Variants in TANGO6 observed in about 807,000 individuals in gnomAD.
The protein encoded by TANGO6 is transport and golgi organization 6 homolog, also known as transport and Golgi organization protein 6 homolog.
A neutral mutation model predicts 114.2 loss-of-function variants in TANGO6; 90 were observed. The observed-to-expected ratio is 0.79, with a 90% CI of 0.66 to 0.94. The LOEUF (loss-of-function observed/expected upper bound fraction) is 0.94, where lower values mean the gene tolerates loss of function less well. Ranked by LOEUF, TANGO6 falls within the 40% of genes least tolerant of loss-of-function variation. The pLI is 0.00. For synonymous variants in TANGO6, 477 were observed against 509.8 expected (o/e 0.94, Z 0.87); for missense variants, 1,274 against 1,315.3 (o/e 0.97, Z 0.49).
intron 17 of TANGO6, among the ~76,000 whole-genome samples, chr16:69,074,499 T>C (rs1467648286): frequency 6.6e-6 from 1 of 152,092 alleles, no homozygotes. Flanking sequence ...CTCGTATATA[T>C]GGGGCGATGT....
intron 17 of TANGO6, among the ~76,000 whole-genome samples, chr16:69,072,668 A>G (rs558205583): frequency 2.0e-5 from 3 of 152,304 alleles, no homozygotes; most frequent in Non-Finnish European, 4.4e-5. Flanking sequence ...TTGCTAAGAT[A>G]GACCCATTAA....
intron 17 of TANGO6, among the ~76,000 whole-genome samples, chr16:69,079,841 C>T (rs376573021): frequency 2.0e-5 from 3 of 152,224 alleles, no homozygotes; most frequent in East Asian, 1.9e-4. Context: ...AATTGTAATG[C>T]GCATTACCCT....
chr16:69,024,616 A>G (rs913246254), intron 16 of TANGO6, among the ~76,000 whole-genome samples: 7 of 152,046 alleles, frequency 4.6e-5, no homozygotes, highest in Admixed American at 4.6e-4. Flanking sequence ...GTACTCATCA[A>G]TATATCAGTG....
intron 17 of TANGO6, among the ~76,000 whole-genome samples, chr16:69,057,793 C>T (rs1249315108): frequency 1.3e-5 from 2 of 152,144 alleles, no homozygotes; most frequent in Non-Finnish European, 2.9e-5. Flanking sequence ...GGTTTCCTGA[C>T]CTCCCGGGAC....
In TANGO6 at chr16:69,026,441, C is replaced by G. The variant is rs372192316; in HGVS notation, c.2994+3462C>G. 13 of 182,436 alleles carry G rather than the reference C, an allele frequency of 7.1e-5. No homozygotes were observed. In the East Asian group the frequency reaches 1.7e-3, roughly 23 times the overall value. The allele number at this position is 182,436 out of a possible 1,614,324, so 11.3% of individuals were successfully genotyped here. On this transcript the variant is annotated intron_variant, in intron 16 of 17. Coordinates refer to ENST00000261778, the MANE Select transcript of TANGO6 (RefSeq NM_024562.2). ...CCATGGAGCCACTCTTCCATAACAT[C>G]CAGAAGGAAGGGCTATCTGAGTGTC... is the stretch of plus-strand genomic sequence containing the variant.
chr16:69,076,088 C>CTTTTTT lies in TANGO6; in HGVS notation c.3109-7381_3109-7376dup, dbSNP rs34844519. ...TGAATTCAACATTTTTATTTCATTT[C>CTTTTTT]TTTTTTTTTTTTTTTTTTTTTGAGA... On this transcript the variant is annotated intron_variant, in intron 17 of 17. Coordinates refer to ENST00000261778, the MANE Select transcript of TANGO6 (RefSeq NM_024562.2). 8.2e-3 allele frequency among the ~76,000 whole-genome samples: 703 copies of CTTTTTT among 85,584 alleles called. 4 individuals carry two copies. Among genetic ancestry groups the CTTTTTT allele is most frequent in the Non-Finnish European group, 9.1e-3 (434 of 47,694 alleles). 56.1% of individuals were successfully genotyped at this position (85,584 alleles called of 152,430 possible).
chr16:68,884,215 CACTT>C (rs1962506547), intron 7 of TANGO6, among the ~76,000 whole-genome samples: 1 of 152,124 alleles, frequency 6.6e-6, no homozygotes, highest in South Asian at 2.1e-4. Context: ...CGGCCTCACT[CACTT>C]TATTTGTAAA....
At chr16:68,888,438 G>A (rs967960252) in intron 7 of TANGO6, among the ~76,000 whole-genome samples, 2 of 152,160 alleles carry the variant, frequency 1.3e-5, no homozygotes, top group Admixed American at 6.6e-5. Flanking sequence ...TAAGAGGATT[G>A]GCTAGATTCT....
rs1284476737 is a variant in TANGO6, at chr16:69,040,288, A to G, written c.2995-20A>G. On this transcript the variant is annotated intron_variant, in intron 16 of 17. Transcript: ENST00000261778. Reference sequence around the variant, plus strand: ...TGCAACTCTGATTCTTATCAACTTCATCTTCCTTCATCCTCCTAGGTAACA... The same window carrying G: ...TGCAACTCTGATTCTTATCAACTTCGTCTTCCTTCATCCTCCTAGGTAACA... The G allele has an allele frequency of 3.8e-6, 6 of 1,577,430 alleles. No individual in the cohort carries two copies. The highest frequency in any genetic ancestry group is 1.8e-5 in the Admixed American group (1 of 54,458).
chr16:69,043,250 G>A (rs547438738), intron 17 of TANGO6, among the ~76,000 whole-genome samples: 1 of 151,240 alleles, frequency 6.6e-6, no homozygotes, highest in African/African-American at 2.4e-5. Context: ...CTGAGTGAGA[G>A]AGTGAAAGTG....
intron 12 of TANGO6, among the ~76,000 whole-genome samples, chr16:68,920,483 G>A (rs1468720232): frequency 1.3e-5 from 2 of 152,182 alleles, no homozygotes; most frequent in African/African-American, 4.8e-5. Context: ...GCTAGACCAT[G>A]CATGTGTGTG....
At chr16:68,850,174 A>G (rs995564371) in intron 1 of TANGO6, among the ~76,000 whole-genome samples, 2 of 151,872 alleles carry the variant, frequency 1.3e-5, no homozygotes, top group Non-Finnish European at 2.9e-5. Flanking sequence ...GGGTTTCACT[A>G]TGTTGACCAG....
intron 15 of TANGO6, among the ~76,000 whole-genome samples, chr16:69,004,553 A>G (rs949327512): frequency 6.6e-6 from 1 of 151,628 alleles, no homozygotes; most frequent in Admixed American, 6.6e-5. Context: ...ATGAGGTTTC[A>G]GCATGTTGGT....
At chr16:68,899,726 C>T (rs760218022) in intron 7 of TANGO6, among the ~76,000 whole-genome samples, 6 of 151,858 alleles carry the variant, frequency 4.0e-5, no homozygotes, top group Admixed American at 6.6e-5. Context: ...CAGCCTACCA[C>T]GTAGTTAGGA....
At position 68,867,144 on chromosome 16, in the gene TANGO6, A is replaced by T; in HGVS notation, c.918A>T (p.Gly306=). The T allele has an allele frequency of 6.2e-7, 1 of 1,613,946 alleles. No homozygotes were observed. Among genetic ancestry groups the T allele is most frequent in the Middle Eastern group, 1.7e-4 (1 of 6,052 alleles). Reference sequence around the variant, plus strand: ...CAGCTTGGCTTCGGCGTCTATGTGGACAGCTGCTCTCTGAAAGGTTAATGA... The same window carrying T: ...CAGCTTGGCTTCGGCGTCTATGTGGTCAGCTGCTCTCTGAAAGGTTAATGA... ...RAPAWLRRLC[G]QLLSERLMRP... Residue 306 remains glycine, a synonymous_variant, in exon 4 of 18, where the codon GGA becomes GGT. Transcript: ENST00000261778.
At chr16:68,891,999 A>G (rs1485527837) in intron 7 of TANGO6, among the ~76,000 whole-genome samples, 2 of 152,118 alleles carry the variant, frequency 1.3e-5, no homozygotes, top group Admixed American at 6.6e-5. Context: ...TGCATAGGGC[A>G]TTGTAACTTC....
intron 17 of TANGO6, among the ~76,000 whole-genome samples, chr16:69,052,828 G>T (rs1597073115): frequency 6.6e-6 from 1 of 152,184 alleles, no homozygotes; most frequent in South Asian, 2.1e-4. Context: ...TAATAATAGT[G>T]CCAGGCACGG....
chr16:69,036,413 G>A (rs1347942652), intron 16 of TANGO6, among the ~76,000 whole-genome samples: 5 of 152,170 alleles, frequency 3.3e-5, no homozygotes, highest in Non-Finnish European at 7.3e-5. Flanking sequence ...AGCATTTTGC[G>A]TGACAGACCA....
At chr16:68,945,905 C>T (rs1349168787) in intron 14 of TANGO6, among the ~76,000 whole-genome samples, 4 of 152,026 alleles carry the variant, frequency 2.6e-5, no homozygotes, top group Admixed American at 6.6e-5. Flanking sequence ...AGGCTGGTCT[C>T]GAACTCCTGA....
Sources: gnomAD v4.1 joint callset for allele counts (sites outside exome capture counted in the v4.1 genomes callset) on GRCh38, gnomAD v4.1.1 for gene constraint, MANE v1.5 for transcripts, NCBI Gene and HGNC (gene_info 2026-07-23, HGNC 2026-07-21) for gene names.